The following COL24A1 variants were observed in gnomAD, a reference collection of about 807,000 sequenced individuals.
COL24A1 encodes collagen type XXIV alpha 1 chain, also known as collagen alpha-1(XXIV) chain.
Under a neutral mutation model 253.9 loss-of-function variants are expected in COL24A1, and 224 were observed. The observed-to-expected ratio is 0.88, with a 90% CI of 0.79 to 0.99. The LOEUF is 0.99. COL24A1 is among the 50% of genes least tolerant of loss of function. The pLI is 0.00. For synonymous variants in COL24A1, 685 were observed against 673.7 expected, an observed-to-expected ratio of 1.02 and a Z score of -0.26; for missense variants, 2,131 against 2,068.5, an observed-to-expected ratio of 1.03 and a Z score of -0.59.
In COL24A1 at chr1:85,845,068, C is replaced by T. The variant is rs12064146; in HGVS notation, c.3462+2597G>A. Among the ~76,000 whole-genome samples the T allele has an allele frequency of 7.2e-3, 1,100 of 151,824 alleles. 13 individuals carry two copies. The highest frequency in any genetic ancestry group is 0.025 in the African/African-American group (1,054 of 41,498). On this transcript the variant is annotated intron_variant, in intron 39 of 59. Coordinates refer to ENST00000370571, the MANE Select transcript of COL24A1 (RefSeq NM_152890.7). ...CCTACTTTGCTTACAAATACAAATG[C>T]AAAACTCTTAAGGTAAACTACATTC...
At chr1:85,868,907 C>T in intron 35 of COL24A1, 72 bp from the exon 36 acceptor site, 2 of 1,095,286 alleles carry the variant, frequency 1.8e-6, no homozygotes, top group Non-Finnish European at 2.6e-6. Context: ...ATTTTTAGCC[C>T]ATAGTATATA....
rs907864976 is a variant in COL24A1, at chr1:85,973,244, T to C, written c.2365-1851A>G. The stretch of plus-strand genomic sequence containing the variant: ...CTGAAATTTTATTAATTTTCTACTA[T>C]GTATAAGGCTCAATTAACAGCACAA... On this transcript the variant is annotated intron_variant, in intron 20 of 59. Coordinates refer to ENST00000370571, the MANE Select transcript of COL24A1 (RefSeq NM_152890.7). Among the ~76,000 whole-genome samples, 4 of 152,166 alleles carry C rather than the reference T, an allele frequency of 2.6e-5. No individual in the cohort carries two copies. The South Asian group carries it at 6.2e-4, about 24-fold the overall frequency.
chr1:85,970,040 A>G (rs1415528911), intron 22 of COL24A1, among the ~76,000 whole-genome samples, 187 bp downstream of exon 22: 1 of 152,212 alleles, frequency 6.6e-6, no homozygotes, highest in Non-Finnish European at 1.5e-5. Flanking sequence ...TAGTAGGCAT[A>G]ACATCATTCA....
chr1:85,778,563 C>A (rs1007404936), intron 52 of COL24A1, among the ~76,000 whole-genome samples: 1 of 151,844 alleles, frequency 6.6e-6, no homozygotes, highest in African/African-American at 2.4e-5. Flanking sequence ...ACAGGTCTCC[C>A]CAATCCTTAA....
intron 23 of COL24A1, among the ~76,000 whole-genome samples, chr1:85,962,778 G>C (rs1691199985): frequency 6.6e-6 from 1 of 152,086 alleles, no homozygotes; most frequent in Admixed American, 6.6e-5. Context: ...ATGTCTAAAA[G>C]TAATCAATTA....
chr1:85,873,098 T>C lies in COL24A1; in HGVS notation c.3138+1551A>G, dbSNP rs538270016. ...CACATGAAAAAATGCTCATCATCAC[T>C]GGCCATCAGAGAAATGCAAATCAAA... On this transcript the variant is annotated intron_variant, in intron 35 of 59. Transcript: ENST00000370571. Among the ~76,000 whole-genome samples the C allele has an allele frequency of 2.7e-3, 408 of 152,304 alleles. 1 individual carries two copies. The highest frequency in any genetic ancestry group is 8.3e-3 in the African/African-American group (343 of 41,566).
chr1:85,995,820 C>T (rs538805166), intron 19 of COL24A1, among the ~76,000 whole-genome samples: 57 of 152,180 alleles, frequency 3.7e-4, no homozygotes, highest in African/African-American at 1.3e-3. Context: ...AAGTGTGTGG[C>T]ACCTCTCCCT....
At chr1:86,138,183 AT>A (rs2102364853) in intron 2 of COL24A1, among the ~76,000 whole-genome samples, 1 of 152,220 alleles carries the variant, frequency 6.6e-6, no homozygotes, top group African/African-American at 2.4e-5. Flanking sequence ...ATTGATTTTA[AT>A]CTGTATCCTT....
At chr1:85,988,906 CA>C (rs1288077964) in intron 19 of COL24A1, among the ~76,000 whole-genome samples, 1 of 152,056 alleles carries the variant, frequency 6.6e-6, no homozygotes, top group Non-Finnish European at 1.5e-5. Flanking sequence ...GCAGTGGCAA[CA>C]GAAAGATGAT....
At chr1:85,847,613 G>A (rs1007443226) in intron 39 of COL24A1, 52 bp downstream of exon 39, 16 of 1,315,968 alleles carry the variant, frequency 1.2e-5, no homozygotes, top group African/African-American at 7.2e-5. Context: ...GCATGGATAC[G>A]TTTCTTTCCC....
intron 2 of COL24A1, among the ~76,000 whole-genome samples, chr1:86,127,217 A>G (rs986888570): frequency 2.0e-5 from 3 of 152,126 alleles, no homozygotes; most frequent in Non-Finnish European, 2.9e-5. Flanking sequence ...CCTCCAGAGT[A>G]ACTTTTATCC....
chr1:86,122,574 T>C (rs775987100), intron 3 of COL24A1, among the ~76,000 whole-genome samples: 1 of 151,992 alleles, frequency 6.6e-6, no homozygotes, highest in East Asian at 1.9e-4. Context: ...TCTCCTAAAA[T>C]TGACTTTCCC....
chr1:85,844,962 T>A (rs1001244502), intron 39 of COL24A1, among the ~76,000 whole-genome samples: 3 of 151,866 alleles, frequency 2.0e-5, no homozygotes, highest in Non-Finnish European at 1.5e-5. Flanking sequence ...ATGACTTGCT[T>A]AACACTTATG....
At chr1:86,062,352 G>A (rs2101771820) in intron 8 of COL24A1, among the ~76,000 whole-genome samples, 1 of 151,638 alleles carries the variant, frequency 6.6e-6, no homozygotes, top group East Asian at 1.9e-4. Context: ...CAATTAAAAT[G>A]CAAAATTATT....
intron 5 of COL24A1, among the ~76,000 whole-genome samples, chr1:86,111,394 T>C (rs897898449): frequency 2.6e-5 from 4 of 151,596 alleles, no homozygotes; most frequent in African/African-American, 7.3e-5. Context: ...TGGAGAACTT[T>C]TATGTCTAGC....
chr1:85,980,079 C>T (rs996680694), intron 20 of COL24A1, among the ~76,000 whole-genome samples: 2 of 152,060 alleles, frequency 1.3e-5, no homozygotes, highest in Admixed American at 6.6e-5. Flanking sequence ...TCATTAAAAA[C>T]AAAAATCATA....
rs1663865701 is a variant in COL24A1, at chr1:85,734,737, C to T, written c.4998+12G>A. The T allele has an allele frequency of 3.7e-6, 6 of 1,606,792 alleles. No homozygotes were observed. The highest frequency in any genetic ancestry group is 2.7e-5 in the African/African-American group (2 of 74,746). On this transcript the variant is annotated intron_variant, in intron 59 of 59. Coordinates refer to ENST00000370571, the MANE Select transcript of COL24A1 (RefSeq NM_152890.7). ...GTTATATTGAACAATTCTAAAAGTG[C>T]CATTTCCTTACCTTGCAGTCATCTG...
chr1:85,788,857 G>A (rs1042107733), intron 47 of COL24A1, among the ~76,000 whole-genome samples: 8 of 152,174 alleles, frequency 5.3e-5, no homozygotes, highest in African/African-American at 1.9e-4. Context: ...GTTTTTCAAA[G>A]ATCAGATGGT....
intron 31 of COL24A1, among the ~76,000 whole-genome samples, chr1:85,893,831 G>A (rs1683381785): frequency 6.6e-6 from 1 of 151,996 alleles, no homozygotes; most frequent in Admixed American, 6.5e-5. Flanking sequence ...TTTTAGAGAT[G>A]GGGGTCTCAC....
Sources: allele counts gnomAD v4.1 joint callset (sites outside exome capture counted in the v4.1 genomes callset), GRCh38; gene constraint gnomAD v4.1.1; transcripts MANE v1.5; gene names NCBI Gene and HGNC (gene_info 2026-07-23, HGNC 2026-07-21).